Variants in SUPT3H observed in about 807,000 individuals in gnomAD.
The protein encoded by SUPT3H is transcription initiation protein SPT3 homolog.
In SUPT3H, 44 loss-of-function variants were observed where a neutral mutation model predicts 44.3. The ratio of observed to expected loss-of-function variants is 0.99; its 90% CI spans 0.78 to 1.28. The LOEUF is 1.28. Ranked by LOEUF, SUPT3H falls within the 50% of genes most tolerant of loss-of-function variation. SUPT3H has a pLI of 0.00. For missense variants in SUPT3H, 380 were observed against 387.1 expected, an observed-to-expected ratio of 0.98 and a Z score of 0.15; for synonymous variants, 124 against 125.6, an observed-to-expected ratio of 0.99 and a Z score of 0.09.
At chr6:45,278,605 T>C (rs1777419322) in intron 2 of SUPT3H, among the ~76,000 whole-genome samples, 1 of 152,212 alleles carries the variant, frequency 6.6e-6, no homozygotes, top group South Asian at 2.1e-4. Flanking sequence ...CCACTAACAG[T>C]AGCTTACAAA....
chr6:45,330,346 C>T (rs1787212429), intron 2 of SUPT3H, among the ~76,000 whole-genome samples: 1 of 151,848 alleles, frequency 6.6e-6, no homozygotes, highest in Non-Finnish European at 1.5e-5. Flanking sequence ...TTTGTTACTA[C>T]TACCCAAGAG....
chr6:44,934,257 CA>C (rs2153462370), intron 9 of SUPT3H, among the ~76,000 whole-genome samples: 1 of 152,224 alleles, frequency 6.6e-6, no homozygotes, highest in South Asian at 2.1e-4. Flanking sequence ...CTCTTTTACT[CA>C]GCAATTTCAC....
chr6:44,817,372 A>G (rs1204766917), intron 11 of SUPT3H, among the ~76,000 whole-genome samples: 2 of 152,194 alleles, frequency 1.3e-5, no homozygotes, highest in African/African-American at 4.8e-5. Context: ...AATCTTAGCT[A>G]ATTTAATGGG....
intron 2 of SUPT3H, among the ~76,000 whole-genome samples, chr6:45,239,754 T>C (rs528998023): frequency 2.0e-5 from 3 of 152,206 alleles, no homozygotes; most frequent in Non-Finnish European, 2.9e-5. Flanking sequence ...AGCTACATTT[T>C]TCTCTATACG....
rs976757448 is a variant in SUPT3H at position 45,343,482 on chromosome 6, A to G, written c.101+21719T>C. Among the ~76,000 whole-genome samples, 4 of 152,298 alleles carry G rather than the reference A, an allele frequency of 2.6e-5. No individual in the cohort carries two copies. The South Asian group carries it at 8.3e-4, about 32-fold the overall frequency. On this transcript the variant is annotated intron_variant, in intron 2 of 10. Transcript: ENST00000371459. ...TATAATAATTGCACCTCCAAAAGGC[A>G]GCTTTTCAAACCTGAATAGAATTTT...
rs571862184 is a variant in SUPT3H, at chr6:44,907,421, A to G, written c.912+25232T>C. Among the ~76,000 whole-genome samples, 9 of 152,302 alleles carry G rather than the reference A, an allele frequency of 5.9e-5. No individual in the cohort carries two copies. The South Asian group carries it at 1.9e-3, about 32-fold the overall frequency. On this transcript the variant is annotated intron_variant, in intron 10 of 10. Coordinates refer to ENST00000371459, the MANE Select transcript of SUPT3H (RefSeq NM_003599.4). Reference sequence around the variant, plus strand: ...GCCGGGCATGGTAACTCATGCCTGTAATCCCGACACTTTGGGAGGCTGAGA... The same window carrying G: ...GCCGGGCATGGTAACTCATGCCTGTGATCCCGACACTTTGGGAGGCTGAGA...
intron 3 of SUPT3H, among the ~76,000 whole-genome samples, chr6:45,041,461 C>T (rs1015877691): frequency 1.6e-4 from 25 of 152,094 alleles, no homozygotes; most frequent in African/African-American, 5.8e-4. Flanking sequence ...ATATGAGAAA[C>T]TGAGAGATGA....
intron 5 of SUPT3H, among the ~76,000 whole-genome samples, chr6:45,011,902 A>G (rs2153511987): frequency 6.6e-6 from 1 of 151,756 alleles, no homozygotes; most frequent in East Asian, 2.0e-4. Context: ...TTATCTGGGA[A>G]TGTATTTTGC....
intron 2 of SUPT3H, among the ~76,000 whole-genome samples, chr6:45,234,838 T>C (rs757617899): frequency 7.2e-5 from 11 of 152,136 alleles, no homozygotes; most frequent in Non-Finnish European, 1.6e-4. Flanking sequence ...TCAGAAACTG[T>C]TCCATGGTAC....
intron 1 of SUPT3H, among the ~76,000 whole-genome samples, chr6:45,373,470 T>C (rs1183099620): frequency 2.6e-5 from 4 of 152,042 alleles, no homozygotes; most frequent in Admixed American, 6.6e-5. Flanking sequence ...TTAGCAGTAG[T>C]ATGGGGTTGT....
At chr6:44,817,198 C>A (rs1766973368) in intron 11 of SUPT3H, among the ~76,000 whole-genome samples, 1 of 141,362 alleles carries the variant, frequency 7.1e-6, no homozygotes, top group African/African-American at 2.6e-5. Context: ...ATTAGTTCAA[C>A]AAGTAAAAAT....
intron 2 of SUPT3H, among the ~76,000 whole-genome samples, chr6:45,311,789 C>T (rs1783998827): frequency 6.6e-6 from 1 of 152,136 alleles, no homozygotes; most frequent in Non-Finnish European, 1.5e-5. Flanking sequence ...CAAGCAACCA[C>T]TAAAAGAACT....
intron 10 of SUPT3H, among the ~76,000 whole-genome samples, chr6:44,883,880 T>A (rs1778680143): frequency 6.6e-6 from 1 of 152,108 alleles, no homozygotes; most frequent in Non-Finnish European, 1.5e-5. Context: ...TCAAGATGGA[T>A]TAAAACTTAA....
rs147867565 is a variant in SUPT3H at position 45,246,452 on chromosome 6, G to A, written c.101+118749C>T. Among the ~76,000 whole-genome samples the A allele has an allele frequency of 1.8e-4, 27 of 152,074 alleles. 1 individual carries two copies. In the East Asian group the frequency reaches 4.3e-3, roughly 24 times the overall value. Reference sequence around the variant, plus strand: ...CACAGGTGAACTTTTAACCATCATCGTAACAGGAAGTAGAGTGCAACTTTG... The same window carrying A: ...CACAGGTGAACTTTTAACCATCATCATAACAGGAAGTAGAGTGCAACTTTG... On this transcript the variant is annotated intron_variant, in intron 2 of 10. Coordinates refer to ENST00000371459, the MANE Select transcript of SUPT3H (RefSeq NM_003599.4).
intron 6 of SUPT3H, among the ~76,000 whole-genome samples, chr6:44,974,329 G>C (rs1778019722): frequency 6.6e-6 from 1 of 151,810 alleles, no homozygotes; most frequent in Non-Finnish European, 1.5e-5. Flanking sequence ...GTGTGTGTTT[G>C]TGTTTGTGTA....
chr6:45,316,020 T>C (rs574741271), intron 2 of SUPT3H, among the ~76,000 whole-genome samples: 10 of 152,190 alleles, frequency 6.6e-5, no homozygotes, highest in South Asian at 2.1e-4. Context: ...TAACAGCATT[T>C]GCAATGACCT....
intron 7 of SUPT3H, 50 bp downstream of exon 7, chr6:44,961,703 A>G: frequency 7.1e-7 from 1 of 1,399,572 alleles, no homozygotes; most frequent in Non-Finnish European, 1.0e-6. Context: ...GTACATCTAT[A>G]ACACAAATCT....
intron 2 of SUPT3H, among the ~76,000 whole-genome samples, chr6:45,332,215 C>T (rs1030812433): frequency 3.3e-5 from 5 of 151,492 alleles, no homozygotes; most frequent in Non-Finnish European, 7.4e-5. Context: ...TTTTTTTCAA[C>T]AAATATTCAT....
chr6:45,364,193 G>T (rs1303365045), intron 2 of SUPT3H, among the ~76,000 whole-genome samples: 1 of 151,792 alleles, frequency 6.6e-6, no homozygotes, highest in East Asian at 1.9e-4. Context: ...TATTCTTCAG[G>T]ATCTTCAATG....
Sources: allele counts gnomAD v4.1 joint callset (sites outside exome capture counted in the v4.1 genomes callset), GRCh38; gene constraint gnomAD v4.1.1; transcripts MANE v1.5; gene names NCBI Gene and HGNC (gene_info 2026-07-23, HGNC 2026-07-21).